CEP83: variants seen among roughly 807,000 people sequenced by gnomAD.
The protein encoded by CEP83 is centrosomal protein 83, also known as centrosomal protein of 83 kDa.
Under a neutral mutation model 101.9 loss-of-function variants are expected in CEP83, and 70 were observed. The ratio of observed to expected loss-of-function variants is 0.69; its 90% confidence interval spans 0.57 to 0.84. The LOEUF is 0.84. Among genes scored for constraint, CEP83 ranks in the 40% least tolerant of loss-of-function variants. The pLI is 0.00. For synonymous variants in CEP83, 264 were observed against 267.9 expected, an observed-to-expected ratio of 0.99 and a Z score of 0.14; for missense variants, 715 against 787.2, an observed-to-expected ratio of 0.91 and a Z score of 1.10.
the CEP83 span, among the ~76,000 whole-genome samples, chr12:94,267,299 T>C: frequency 3.3e-5 from 5 of 152,174 alleles, no homozygotes; most frequent in Admixed American, 2.6e-4. Context: ...TTTTGAGGTT[T>C]TGAAGCCTTT....
chr12:94,357,879 G>GT (rs2060557975), intron 11 of CEP83, among the ~76,000 whole-genome samples: 1 of 152,190 alleles, frequency 6.6e-6, no homozygotes, highest in African/African-American at 2.4e-5. Context: ...TGATTGTGCC[G>GT]TATGTGGGAA....
intron 14 of CEP83, among the ~76,000 whole-genome samples, chr12:94,327,383 A>G (rs1259929735): frequency 6.6e-6 from 1 of 152,128 alleles, no homozygotes; most frequent in Non-Finnish European, 1.5e-5. Context: ...ACCTCTGTTC[A>G]CCACCACACC....
At chr12:94,458,978 G>C (rs973148004) in intron 1 of CEP83, among the ~76,000 whole-genome samples, 3 of 152,314 alleles carry the variant, frequency 2.0e-5, no homozygotes, top group Non-Finnish European at 4.4e-5. Context: ...CTCTGTTTTA[G>C]AGCTGCTTAA....
chr12:94,313,215 A>G, intron 14 of CEP83, 198 bp from the exon 15 acceptor site: 2 of 328,930 alleles, frequency 6.1e-6, no homozygotes, highest in Non-Finnish European at 1.1e-5. Context: ...AATATTCTCA[A>G]TGTGACAATT....
In CEP83 at chr12:94,378,980, T is replaced by C. The variant is rs778151984; in HGVS notation, c.612A>G (p.Thr204=). ...GTTGTTCCACTCGTTTGCTGTCTTT[T>C]GTGAGATCAACATTAAGCAGCTGGT... ...LRNQLLNVDL[T]KDSKRVEQLA... Residue 204 remains threonine (T), a synonymous_variant, in exon 7 of 17, where the codon ACA becomes ACG. Coordinates refer to ENST00000397809, the MANE Select transcript of CEP83 (RefSeq NM_016122.3). 6.8e-6 allele frequency: 11 copies of C among 1,613,824 alleles called. No individual in the cohort carries two copies. The highest frequency in any genetic ancestry group is 6.7e-5 in the Admixed American group (4 of 59,962).
chr12:94,387,563 A>G (rs1489660268), intron 6 of CEP83, among the ~76,000 whole-genome samples: 1 of 152,170 alleles, frequency 6.6e-6, no homozygotes, highest in Admixed American at 6.5e-5. Context: ...CAATTACAAC[A>G]AAGACAAAAA....
At chr12:94,440,671 C>T (rs909730191) in intron 1 of CEP83, among the ~76,000 whole-genome samples, 1 of 150,846 alleles carries the variant, frequency 6.6e-6, no homozygotes, top group Non-Finnish European at 1.5e-5. Flanking sequence ...TCGTTCTTCA[C>T]AGATCTAGAA....
rs769200967 is a variant in CEP83 at position 94,403,258 on chromosome 12, A to C, written c.329T>G (p.Leu110Ter). 1.1e-5 allele frequency: 15 copies of C among 1,352,072 alleles called. No homozygotes were observed. Among genetic ancestry groups the C allele is most frequent in the Non-Finnish European group, 1.6e-5 (15 of 943,524 alleles). The allele number at this position is 1,352,072 out of a possible 1,614,324, so 83.8% of individuals were successfully genotyped here. A position where few individuals can be genotyped will look rare whatever the true frequency, so the allele number is the denominator to read the frequency against. Residue 110 changes from leucine (L) to a stop codon, truncating the protein, a stop_gained, in exon 5 of 17, where the codon TTA (leucine) becomes TGA (stop). Coordinates refer to ENST00000397809, the MANE Select transcript of CEP83 (RefSeq NM_016122.3). LOFTEE classifies it high-confidence loss of function. Reference sequence around the variant, plus strand: ...TAGCAATTCCAATTTTTGTGGAGTTAATATCTAATATGTAGAGAAATGCAA... The same window carrying C: ...TAGCAATTCCAATTTTTGTGGAGTTCATATCTAATATGTAGAGAAATGCAA... ...KDLEEMKLQI[L>*]TPQKLELLRA...
chr12:94,330,784 G>A (rs1405377472), intron 14 of CEP83, among the ~76,000 whole-genome samples: 1 of 152,148 alleles, frequency 6.6e-6, no homozygotes, highest in Non-Finnish European at 1.5e-5. Context: ...GGATGGCCTG[G>A]AAACTATCAC....
intron 6 of CEP83, among the ~76,000 whole-genome samples, chr12:94,388,505 G>C (rs2062300263): frequency 6.6e-6 from 1 of 151,992 alleles, no homozygotes; most frequent in East Asian, 1.9e-4. Flanking sequence ...CTAGGTGACG[G>C]AATCTTTATT....
At chr12:94,439,821 C>T (rs1180565556) in intron 1 of CEP83, among the ~76,000 whole-genome samples, 1 of 152,112 alleles carries the variant, frequency 6.6e-6, no homozygotes, top group Non-Finnish European at 1.5e-5. Flanking sequence ...AGTCCAACAG[C>T]ATGTCAAAAA....
the CEP83 span, among the ~76,000 whole-genome samples, chr12:94,287,985 T>C: frequency 6.6e-6 from 1 of 152,202 alleles, no homozygotes; most frequent in African/African-American, 2.4e-5. Context: ...GTTCCTTCAC[T>C]GATGCCTCAA....
At chr12:94,331,526 C>G (rs2059221541) in intron 14 of CEP83, among the ~76,000 whole-genome samples, 174 bp downstream of exon 14, 1 of 151,696 alleles carries the variant, frequency 6.6e-6, no homozygotes, top group Admixed American at 6.6e-5. Context: ...GCCACTATGC[C>G]TGGCTAATTT....
chr12:94,346,787 TTC>T (rs1164605397), intron 11 of CEP83, among the ~76,000 whole-genome samples: 1 of 152,188 alleles, frequency 6.6e-6, no homozygotes, highest in Admixed American at 6.5e-5. Flanking sequence ...CACAGAAGTT[TTC>T]TGTGTTGTGG....
At chr12:94,447,296 T>C (rs1412233399) in intron 1 of CEP83, among the ~76,000 whole-genome samples, 1 of 152,098 alleles carries the variant, frequency 6.6e-6, no homozygotes, top group Non-Finnish European at 1.5e-5. Context: ...GGTGGCTCAC[T>C]TGAGCCCAGA....
chr12:94,444,065 G>A (rs1566227101), intron 1 of CEP83, among the ~76,000 whole-genome samples: 2 of 152,148 alleles, frequency 1.3e-5, no homozygotes, highest in African/African-American at 2.4e-5. Context: ...AACACTGTTT[G>A]CTAACCAATT....
chr12:94,432,308 C>T (rs576832869), intron 2 of CEP83, among the ~76,000 whole-genome samples: 1 of 152,122 alleles, frequency 6.6e-6, no homozygotes, highest in South Asian at 2.1e-4. Flanking sequence ...GTGATCCGCC[C>T]ACCTCGGCCT....
At chr12:94,371,729 G>A (rs2061318450) in intron 8 of CEP83, among the ~76,000 whole-genome samples, 1 of 152,118 alleles carries the variant, frequency 6.6e-6, no homozygotes, top group Non-Finnish European at 1.5e-5. Context: ...AAAGGTCCTA[G>A]AGCCAAAGAG....
At chr12:94,311,630 ATGT>A (rs546377043) in intron 15 of CEP83, among the ~76,000 whole-genome samples, 28 of 152,346 alleles carry the variant, frequency 1.8e-4, no homozygotes, top group Admixed American at 3.3e-4. Context: ...GGTGTCAGAA[ATGT>A]TGTGTTGACT....
Sources: allele counts gnomAD v4.1 joint callset (sites outside exome capture counted in the v4.1 genomes callset), GRCh38; gene constraint gnomAD v4.1.1; transcripts MANE v1.5; gene names NCBI Gene and HGNC (gene_info 2026-07-23, HGNC 2026-07-21).